EXOC6B: variants seen among roughly 807,000 people sequenced by gnomAD.
EXOC6B encodes the protein exocyst complex component 6B.
A neutral mutation model predicts 113.5 loss-of-function variants in EXOC6B; 54 were observed. The ratio of observed to expected loss-of-function variants is 0.48; its 90% confidence interval spans 0.38 to 0.60. The LOEUF (loss-of-function observed/expected upper bound fraction) is 0.60, where lower values mean the gene tolerates loss of function less well. Ranked by LOEUF, EXOC6B falls within the 20% of genes least tolerant of loss-of-function variation. The probability of loss-of-function intolerance (pLI) is 0.00; values close to 1 mark genes in which losing one functional copy is unlikely to be tolerated. For missense variants in EXOC6B, 797 were observed against 977.5 expected (o/e 0.82, Z 2.46); for synonymous variants, 357 against 339.0 (o/e 1.05, Z -0.58).
intron 20 of EXOC6B, among the ~76,000 whole-genome samples, chr2:72,246,593 C>T (rs750072117): frequency 5.3e-5 from 8 of 151,194 alleles, no homozygotes; most frequent in African/African-American, 1.2e-4. Context: ...CTGCAAGCTC[C>T]GCCTCCGAGG....
chr2:72,639,163 C>T (rs1673056554), intron 6 of EXOC6B, among the ~76,000 whole-genome samples: 1 of 152,188 alleles, frequency 6.6e-6, no homozygotes, highest in Admixed American at 6.5e-5. Context: ...TTCCTTGCCA[C>T]AACAGCACAC....
intron 11 of EXOC6B, among the ~76,000 whole-genome samples, chr2:72,508,881 T>C (rs1195735689): frequency 6.6e-6 from 1 of 152,098 alleles, no homozygotes; most frequent in Non-Finnish European, 1.5e-5. Context: ...GGAGCGAGAA[T>C]TCAAATCATA....
intron 20 of EXOC6B, among the ~76,000 whole-genome samples, chr2:72,321,841 A>C (rs1173727305): frequency 6.6e-6 from 1 of 152,170 alleles, no homozygotes; most frequent in Non-Finnish European, 1.5e-5. Context: ...AAAAAAATTT[A>C]TAAAGCTGTA....
intron 18 of EXOC6B, chr2:72,464,045 A>C (rs1196609366): frequency 6.6e-6 from 1 of 152,154 alleles, no homozygotes; most frequent in Non-Finnish European, 1.5e-5. Context: ...TACCATCATA[A>C]TCTATCACCT....
chr2:72,674,422 T>C (rs989247622), intron 6 of EXOC6B, among the ~76,000 whole-genome samples: 1 of 152,238 alleles, frequency 6.6e-6, no homozygotes, highest in Non-Finnish European at 1.5e-5. Flanking sequence ...GAACATTCAG[T>C]GTTCTTCACC....
chr2:72,401,595 A>C (rs1227589488), intron 18 of EXOC6B, among the ~76,000 whole-genome samples: 1 of 43,606 alleles, frequency 2.3e-5, no homozygotes, highest in Non-Finnish European at 3.5e-5. Flanking sequence ...ATATATATAT[A>C]TATATATGTG....
At chr2:72,385,592 A>G (rs1351596735) in intron 18 of EXOC6B, among the ~76,000 whole-genome samples, 2 of 152,138 alleles carry the variant, frequency 1.3e-5, no homozygotes, top group African/African-American at 4.8e-5. Context: ...AGAATGGGGG[A>G]ATATACTTGC....
intron 20 of EXOC6B, among the ~76,000 whole-genome samples, chr2:72,257,114 C>T (rs576798663): frequency 9.9e-5 from 15 of 152,242 alleles, no homozygotes; most frequent in African/African-American, 3.4e-4. Context: ...ACAAAGACAA[C>T]GCACATATGT....
rs747048438 is a variant in EXOC6B at position 72,559,513 on chromosome 2, C to A, written c.855G>T (p.Gly285=). ...GAGAGAAATCCACCAAATCTTGGGCCCCAGGTACCTGCAAACACAAGATTA... is the reference window on the plus strand; with the variant it reads ...GAGAGAAATCCACCAAATCTTGGGCACCAGGTACCTGCAAACACAAGATTA... ...EDEEDDEEVP[G]AQDLVDFSPV... Residue 285 remains glycine, a synonymous_variant, in exon 8 of 22, where the codon GGG becomes GGT. Transcript: ENST00000272427. The A allele has an allele frequency of 3.7e-6, 6 of 1,612,106 alleles. No homozygotes were observed.
At chr2:72,689,441 T>A (rs1170046063) in intron 6 of EXOC6B, among the ~76,000 whole-genome samples, 1 of 152,170 alleles carries the variant, frequency 6.6e-6, no homozygotes, top group Non-Finnish European at 1.5e-5. Context: ...TTCACAAAAA[T>A]ACCTTCCTTT....
At chr2:72,548,992 A>T (rs1703059325) in intron 8 of EXOC6B, among the ~76,000 whole-genome samples, 1 of 152,100 alleles carries the variant, frequency 6.6e-6, no homozygotes, top group Non-Finnish European at 1.5e-5. Context: ...AACCTGGGCG[A>T]CAGAGTGAGA....
intron 8 of EXOC6B, chr2:72,515,634 A>G (rs1701173285): frequency 1.4e-5 from 14 of 988,998 alleles, no homozygotes; most frequent in Non-Finnish European, 1.7e-5. Flanking sequence ...CCAAAAAACA[A>G]AAACAAAAGC....
At chr2:72,323,945 G>T (rs1189744876) in intron 20 of EXOC6B, among the ~76,000 whole-genome samples, 1 of 151,572 alleles carries the variant, frequency 6.6e-6, no homozygotes, top group Non-Finnish European at 1.5e-5. Context: ...TAACAAAACT[G>T]CACATTCTGC....
At chr2:72,784,678 C>T (rs1325125461) in intron 1 of EXOC6B, among the ~76,000 whole-genome samples, 1 of 152,142 alleles carries the variant, frequency 6.6e-6, no homozygotes, top group East Asian at 1.9e-4. Flanking sequence ...ACAGGAAAGA[C>T]CATACACCAT....
At chr2:72,195,315 C>A (rs1482611545) in intron 20 of EXOC6B, among the ~76,000 whole-genome samples, 1 of 152,196 alleles carries the variant, frequency 6.6e-6, no homozygotes, top group Non-Finnish European at 1.5e-5. Context: ...GCTGCAGGGA[C>A]CAGAAGGAAA....
intron 6 of EXOC6B, among the ~76,000 whole-genome samples, chr2:72,652,339 T>C (rs1305698848): frequency 6.6e-6 from 1 of 152,184 alleles, no homozygotes; most frequent in Non-Finnish European, 1.5e-5. Flanking sequence ...TGAAATCTAA[T>C]TGAGTTTGAT....
intron 18 of EXOC6B, among the ~76,000 whole-genome samples, chr2:72,394,491 A>C (rs1372639085): frequency 6.6e-6 from 1 of 152,130 alleles, no homozygotes; most frequent in Admixed American, 6.6e-5. Flanking sequence ...AGTGGCTTAA[A>C]AATTGAAATG....
intron 17 of EXOC6B, among the ~76,000 whole-genome samples, chr2:72,474,022 G>A (rs542450602): frequency 8.6e-5 from 13 of 150,842 alleles, no homozygotes; most frequent in South Asian, 2.1e-4. Context: ...GAATAATTTC[G>A]CTGGATATAG....
At chr2:72,774,180 C>A (rs1008819806) in intron 1 of EXOC6B, among the ~76,000 whole-genome samples, 2 of 152,146 alleles carry the variant, frequency 1.3e-5, no homozygotes, top group African/African-American at 4.8e-5. Flanking sequence ...ATCACCCAGT[C>A]TTACAAGAAA....
Sources: gnomAD v4.1 joint callset for allele counts (sites outside exome capture counted in the v4.1 genomes callset) on GRCh38, gnomAD v4.1.1 for gene constraint, MANE v1.5 for transcripts, NCBI Gene and HGNC (gene_info 2026-07-23, HGNC 2026-07-21) for gene names.